HDAC4: variants seen among roughly 807,000 people sequenced by gnomAD.
HDAC4 encodes histone deacetylase 4, also known as histone deacetylase A.
Under a neutral mutation model 135.1 loss-of-function variants are expected in HDAC4, and 16 were observed. That is an observed-to-expected ratio of 0.12 (90% CI 0.08 to 0.18). The LOEUF (loss-of-function observed/expected upper bound fraction) is 0.18, where lower values mean the gene tolerates loss of function less well. Among genes scored for constraint, HDAC4 ranks in the 10% least tolerant of loss-of-function variants. The probability of loss-of-function intolerance (pLI) is 1.00; values close to 1 mark genes in which losing one functional copy is unlikely to be tolerated. For synonymous variants in HDAC4, 685 were observed against 653.4 expected, an observed-to-expected ratio of 1.05 and a Z score of -0.74; for missense variants, 1,143 against 1,511.8, an observed-to-expected ratio of 0.76 and a Z score of 4.05.
intron 2 of HDAC4, among the ~76,000 whole-genome samples, chr2:239,286,047 T>G (rs907013005): frequency 1.3e-5 from 2 of 152,242 alleles, no homozygotes; most frequent in African/African-American, 4.8e-5. Flanking sequence ...GTTCTTCAGT[T>G]ACTCATATCA....
intron 2 of HDAC4, among the ~76,000 whole-genome samples, chr2:239,246,161 T>C (rs1434437403): frequency 6.6e-6 from 1 of 152,106 alleles, no homozygotes; most frequent in African/African-American, 2.4e-5. Context: ...ACGTGCAAAC[T>C]GAGCCCGCTG....
chr2:239,280,357 C>CATGCACGAAGAACATT (rs1184064994), intron 2 of HDAC4, among the ~76,000 whole-genome samples: 1 of 152,204 alleles, frequency 6.6e-6, no homozygotes, highest in African/African-American at 2.4e-5. Flanking sequence ...CTTCACGTTA[C>CATGCACGAAGAACATT]ATGCACGAAG....
intron 2 of HDAC4, among the ~76,000 whole-genome samples, chr2:239,242,485 CAATT>C (rs1248824141): frequency 1.3e-5 from 2 of 152,212 alleles, no homozygotes; most frequent in East Asian, 3.8e-4. Context: ...TATGGAAACA[CAATT>C]AATTTTTACT....
Position 239,308,343 on chromosome 2 carries a change from G to A in HDAC4, c.22+44335C>T, listed in dbSNP as rs2052709404. On this transcript the variant is annotated intron_variant, in intron 2 of 26. Transcript: ENST00000543185. This position sits in a 1 kb window ranked among gnomAD's most constrained non-coding sequence, Gnocchi z 4.2. ...CACGGGACAAGAGGATAACCTGCTT[G>A]GTACTCAGCAACAGGCTTTCCTAAT... is the stretch of plus-strand genomic sequence containing the variant. Among the ~76,000 whole-genome samples, 1 of 152,140 alleles carries A rather than the reference G, an allele frequency of 6.6e-6. No homozygotes were observed. Among genetic ancestry groups the A allele is most frequent in the South Asian group, 2.1e-4 (1 of 4,826 alleles).
At chr2:239,370,654 G>A (rs988270467) in intron 1 of HDAC4, among the ~76,000 whole-genome samples, 11 of 152,222 alleles carry the variant, frequency 7.2e-5, no homozygotes, top group Non-Finnish European at 2.9e-5. Context: ...GCCTCCGGGA[G>A]AGCAGGACTC....
chr2:239,255,213 G>C (rs1248538523), intron 2 of HDAC4, among the ~76,000 whole-genome samples: 2 of 152,060 alleles, frequency 1.3e-5, no homozygotes, highest in African/African-American at 2.4e-5. Flanking sequence ...AATCATGTAA[G>C]TACACATTAA....
intron 19 of HDAC4, among the ~76,000 whole-genome samples, chr2:239,087,068 G>T (rs932750890): frequency 1.3e-5 from 2 of 152,176 alleles, no homozygotes; most frequent in Non-Finnish European, 2.9e-5. Flanking sequence ...CAGATCCTCA[G>T]CTGTATGGAC....
At chr2:239,055,555 A>G (rs751922601) in intron 24 of HDAC4, among the ~76,000 whole-genome samples, 4 of 152,146 alleles carry the variant, frequency 2.6e-5, no homozygotes, top group Non-Finnish European at 5.9e-5. Context: ...TGTCTCTACT[A>G]AAAATACAAA....
At chr2:239,361,035 C>T (rs1407709909) in intron 1 of HDAC4, among the ~76,000 whole-genome samples, 4 of 152,202 alleles carry the variant, frequency 2.6e-5, no homozygotes, top group Non-Finnish European at 2.9e-5. Context: ...CCACCCCAGA[C>T]GCTCATTCCT....
chr2:239,315,380 T>C (rs1404180400), intron 2 of HDAC4, among the ~76,000 whole-genome samples: 1 of 152,200 alleles, frequency 6.6e-6, no homozygotes, highest in Non-Finnish European at 1.5e-5. Flanking sequence ...CAGATACTTT[T>C]GGTTTACACA....
chr2:239,178,847 C>G (rs573436777), intron 4 of HDAC4, among the ~76,000 whole-genome samples: 2 of 152,184 alleles, frequency 1.3e-5, no homozygotes, highest in Non-Finnish European at 2.9e-5. Context: ...CAGAGTGGGG[C>G]TTCCACCAGC....
chr2:239,156,469 A>C (rs2042430859), intron 7 of HDAC4, among the ~76,000 whole-genome samples, 183 bp downstream of exon 7: 1 of 152,260 alleles, frequency 6.6e-6, no homozygotes, highest in Non-Finnish European at 1.5e-5. Flanking sequence ...TTTTGAAATA[A>C]ATAATAAGGA....
intron 1 of HDAC4, among the ~76,000 whole-genome samples, chr2:239,361,701 C>G (rs977352848): frequency 1.4e-4 from 21 of 152,246 alleles, no homozygotes; most frequent in African/African-American, 4.8e-4. Flanking sequence ...AGTCAGCTGT[C>G]TGCCTGATAC....
intron 4 of HDAC4, among the ~76,000 whole-genome samples, chr2:239,181,725 C>A (rs1243499123): frequency 6.6e-6 from 1 of 152,188 alleles, no homozygotes; most frequent in Non-Finnish European, 1.5e-5. Context: ...TTGCTGCCAG[C>A]GCACTTGCAC....
chr2:239,388,251 G>A (rs553057109), intron 1 of HDAC4, among the ~76,000 whole-genome samples: 5 of 152,314 alleles, frequency 3.3e-5, no homozygotes, highest in African/African-American at 4.8e-5. Context: ...GGGTGGACCC[G>A]GATGAGGGAG....
intron 3 of HDAC4, among the ~76,000 whole-genome samples, chr2:239,194,154 A>G (rs1318167173): frequency 6.6e-6 from 1 of 152,202 alleles, no homozygotes; most frequent in Non-Finnish European, 1.5e-5. Context: ...GATGCCAAGG[A>G]GGACAGGCAG....
chr2:239,229,877 G>A (rs2047440277), intron 3 of HDAC4, among the ~76,000 whole-genome samples: 1 of 152,136 alleles, frequency 6.6e-6, no homozygotes, highest in Admixed American at 6.5e-5. Context: ...AATCTCTCCT[G>A]GATCAGGAAA....
intron 2 of HDAC4, among the ~76,000 whole-genome samples, chr2:239,261,186 C>T (rs1047905494): frequency 2.3e-4 from 35 of 152,186 alleles, no homozygotes; most frequent in African/African-American, 8.4e-4. Flanking sequence ...CTGAGCCCAG[C>T]TGGCCCATTC....
Position 239,146,072 on chromosome 2 carries a change from A to C in HDAC4, c.734-1358T>G, listed in dbSNP as rs1376577939. 6.6e-6 allele frequency among the ~76,000 whole-genome samples: 1 copy of C among 152,158 alleles called. No homozygotes were observed. The highest frequency in any genetic ancestry group is 1.5e-5 in the Non-Finnish European group (1 of 68,022). On this transcript the variant is annotated intron_variant, in intron 7 of 26. Coordinates refer to ENST00000543185, the MANE Select transcript of HDAC4 (RefSeq NM_001378414.1). The surrounding 1 kb of genome is among the most constrained non-coding windows in gnomAD (Gnocchi z 4.5). Reference sequence around the variant, plus strand: ...CTGTGCTGTGGCACGGGGGACCTGGATGACGACAGATGACGGATTCAGCCA... The same window carrying C: ...CTGTGCTGTGGCACGGGGGACCTGGCTGACGACAGATGACGGATTCAGCCA...
Sources: gnomAD v4.1 joint callset for allele counts (sites outside exome capture counted in the v4.1 genomes callset) on GRCh38, gnomAD v4.1.1 for gene constraint, Gnocchi (gnomAD v3.1) non-coding constraint, MANE v1.5 for transcripts, NCBI Gene and HGNC (gene_info 2026-07-23, HGNC 2026-07-21) for gene names.